SPAG17: variants seen among roughly 807,000 people sequenced by gnomAD.
SPAG17 encodes sperm associated antigen 17, also known as sperm-associated antigen 17.
In SPAG17, 169 loss-of-function variants were observed where a neutral mutation model predicts 273.6. The ratio of observed to expected loss-of-function variants is 0.62; its 90% CI spans 0.55 to 0.70. The LOEUF (loss-of-function observed/expected upper bound fraction) is 0.70, where lower values mean the gene tolerates loss of function less well. Ranked by LOEUF, SPAG17 falls within the 30% of genes least tolerant of loss-of-function variation. The pLI is 0.00. For missense variants in SPAG17, 2,557 were observed against 2,627.8 expected, an observed-to-expected ratio of 0.97 and a Z score of 0.59; for synonymous variants, 825 against 873.2, an observed-to-expected ratio of 0.94 and a Z score of 0.97.
At chr1:117,994,576 C>T (rs1260103528) in intron 34 of SPAG17, 46 bp from the exon 35 acceptor site, 5 of 1,562,386 alleles carry the variant, frequency 3.2e-6, no homozygotes, top group African/African-American at 1.4e-5. Context: ...ATTGAAAGTA[C>T]TCAGAGAAAA....
chr1:118,148,411 T>C (rs1320189644), intron 3 of SPAG17, among the ~76,000 whole-genome samples: 2 of 152,224 alleles, frequency 1.3e-5, no homozygotes, highest in East Asian at 1.9e-4. Context: ...TGCAAGGTGC[T>C]AGCTCAGGTG....
At chr1:117,989,395 C>G (rs1656813066) in intron 38 of SPAG17, among the ~76,000 whole-genome samples, 1 of 151,866 alleles carries the variant, frequency 6.6e-6, no homozygotes, top group Admixed American at 6.6e-5. Context: ...AAGGAAGCAA[C>G]AGAGAGAGGG....
chr1:118,091,720 T>C lies in SPAG17; in HGVS notation c.1247-2A>G. On this transcript the variant is annotated splice_acceptor_variant, in intron 9 of 48. Coordinates refer to ENST00000336338, the MANE Select transcript of SPAG17 (RefSeq NM_206996.4). LOFTEE classifies it high-confidence loss of function. The stretch of plus-strand genomic sequence containing the variant: ...CTTCAGTTGTGATGACTGAAGTCAC[T>C]GTAAAATATAGAAAATACCATTGCC... 6.4e-7 allele frequency: 1 copy of C among 1,564,246 alleles called. No individual in the cohort carries two copies. Among genetic ancestry groups the C allele is most frequent in the Non-Finnish European group, 8.8e-7 (1 of 1,136,062 alleles).
At chr1:118,151,500 T>C (rs1225500213) in intron 1 of SPAG17, 131 bp from the exon 2 acceptor site, 1 of 900,240 alleles carries the variant, frequency 1.1e-6, no homozygotes, top group African/African-American at 1.7e-5. Flanking sequence ...CCTTGTAATG[T>C]ATGTGGTTTT....
At chr1:117,980,530 C>T (rs2101583793) in intron 43 of SPAG17, among the ~76,000 whole-genome samples, 1 of 152,274 alleles carries the variant, frequency 6.6e-6, no homozygotes, top group African/African-American at 2.4e-5. Context: ...CAGTGCCTGG[C>T]CAGGTAAATC....
At chr1:118,164,939 A>G (rs1462212064) in intron 1 of SPAG17, among the ~76,000 whole-genome samples, 2 of 152,200 alleles carry the variant, frequency 1.3e-5, no homozygotes, top group Non-Finnish European at 2.9e-5. Context: ...TATTTCAAAC[A>G]CGTCCTGTGT....
At position 117,986,953 on chromosome 1, in the gene SPAG17, G is replaced by A. The variant is rs530653480; in HGVS notation, c.5669+881C>T. Among the ~76,000 whole-genome samples the A allele has an allele frequency of 1.3e-4, 19 of 148,780 alleles. 1 individual carries two copies. The South Asian group carries it at 4.1e-3, about 32-fold the overall frequency. Reference sequence around the variant, plus strand: ...AGAGGTGCCCTTGAAATACCCACAGGAAAGGAGCATCCTTATCTCTGAAGA... The same window carrying A: ...AGAGGTGCCCTTGAAATACCCACAGAAAAGGAGCATCCTTATCTCTGAAGA... On this transcript the variant is annotated intron_variant, in intron 40 of 48. Transcript: ENST00000336338.
intron 31 of SPAG17, 67 bp downstream of exon 31, chr1:118,007,977 A>C: frequency 6.3e-7 from 1 of 1,592,510 alleles, no homozygotes; most frequent in East Asian, 2.2e-5. Flanking sequence ...ACTGCCCCAG[A>C]GAAGTGGGTT....
chr1:118,172,327 AT>A (rs2102395487), intron 1 of SPAG17, among the ~76,000 whole-genome samples: 1 of 152,338 alleles, frequency 6.6e-6, no homozygotes, highest in African/African-American at 2.4e-5. Flanking sequence ...TGAAATCATC[AT>A]TGCAGAATGA....
intron 43 of SPAG17, 73 bp from the exon 44 acceptor site, chr1:117,973,634 T>C: frequency 1.4e-6 from 2 of 1,448,336 alleles, no homozygotes; most frequent in Non-Finnish European, 1.8e-6. Flanking sequence ...TATCAGAATG[T>C]ATGACAACAG....
chr1:117,963,763 C>A, intron 48 of SPAG17, 36 bp downstream of exon 48: 1 of 1,579,094 alleles, frequency 6.3e-7, no homozygotes, highest in South Asian at 1.1e-5. Context: ...AATTTGAATG[C>A]TTGACAATCA....
chr1:118,007,122 G>A (rs1658980206), intron 31 of SPAG17, among the ~76,000 whole-genome samples: 2 of 151,928 alleles, frequency 1.3e-5, no homozygotes, highest in South Asian at 4.2e-4. Context: ...GGTAAAGCTT[G>A]TATGTTTGGC....
At chr1:118,018,874 T>C (rs1313722587) in intron 28 of SPAG17, among the ~76,000 whole-genome samples, 1 of 151,086 alleles carries the variant, frequency 6.6e-6, no homozygotes, top group Non-Finnish European at 1.5e-5. Flanking sequence ...TTTAAGAAAA[T>C]ATTTGGTATA....
chr1:118,051,359 A>C (rs10923480), intron 20 of SPAG17, among the ~76,000 whole-genome samples: 9,664 of 152,128 alleles, frequency 0.064, 515 homozygotes, highest in East Asian at 0.31. Flanking sequence ...AGAATTAGAA[A>C]TACCATATGA....
chr1:118,050,620 A>G (rs1291459947), intron 20 of SPAG17, among the ~76,000 whole-genome samples: 1 of 152,248 alleles, frequency 6.6e-6, no homozygotes, highest in Non-Finnish European at 1.5e-5. Context: ...TATTCAGCAT[A>G]GATGCCAAGA....
chr1:118,065,035 A>G (rs1054982554), intron 18 of SPAG17, among the ~76,000 whole-genome samples: 2 of 152,116 alleles, frequency 1.3e-5, no homozygotes, highest in Non-Finnish European at 2.9e-5. Flanking sequence ...AAGCAAGAAC[A>G]GATTTCTTAA....
intron 32 of SPAG17, among the ~76,000 whole-genome samples, chr1:117,998,177 T>C (rs1054769912): frequency 7.9e-5 from 12 of 152,310 alleles, no homozygotes; most frequent in African/African-American, 2.9e-4. Flanking sequence ...TCAAGGGTTT[T>C]TGTAGTTTAG....
At chr1:118,092,508 A>ACTGCTTTT (rs1193748217) in intron 8 of SPAG17, among the ~76,000 whole-genome samples, 2 of 152,140 alleles carry the variant, frequency 1.3e-5, no homozygotes, top group African/African-American at 4.8e-5. Flanking sequence ...GTGCCATAAT[A>ACTGCTTTT]CTGCTTTTCC....
At chr1:117,994,565 C>T in intron 34 of SPAG17, 35 bp from the exon 35 acceptor site, 1 of 1,580,062 alleles carries the variant, frequency 6.3e-7, no homozygotes, top group Non-Finnish European at 8.6e-7. Context: ...GACCATTACC[C>T]ATTGAAAGTA....
Sources: gnomAD v4.1 joint callset for allele counts (sites outside exome capture counted in the v4.1 genomes callset) on GRCh38, gnomAD v4.1.1 for gene constraint, MANE v1.5 for transcripts, NCBI Gene and HGNC (gene_info 2026-07-23, HGNC 2026-07-21) for gene names.